Variants in COG5 observed in about 807,000 individuals in gnomAD.
COG5 encodes the protein conserved oligomeric Golgi complex subunit 5.
In COG5, 86 loss-of-function variants were observed where a neutral mutation model predicts 110.4. The observed-to-expected ratio is 0.78, with a 90% CI of 0.65 to 0.93. The LOEUF (loss-of-function observed/expected upper bound fraction) is 0.93. COG5 is among the 40% of genes least tolerant of loss of function. The pLI, the probability that COG5 is intolerant of heterozygous loss-of-function variation, is 0.00. For missense variants in COG5, 1,077 were observed against 987.0 expected (o/e 1.09, Z -1.22); for synonymous variants, 360 against 334.6 (o/e 1.08, Z -0.83).
Position 107,240,320 on chromosome 7 carries a change from A to T in COG5, c.1854-3633T>A, listed in dbSNP as rs183961008. ...AACCTCTGCCTCCAGGGTTCAAGCG[A>T]TTCTCCTGACTCAGCCTCCCCAGTA... On this transcript the variant is annotated intron_variant, in intron 17 of 21. Transcript: ENST00000297135. Among the ~76,000 whole-genome samples, 6 of 152,158 alleles carry T rather than the reference A, an allele frequency of 3.9e-5. 1 individual carries two copies. Among genetic ancestry groups the T allele is most frequent in the Admixed American group, 3.9e-4 (6 of 15,292 alleles).
At chr7:107,528,952 A>C (rs1254035534) in intron 5 of COG5, among the ~76,000 whole-genome samples, 1 of 151,542 alleles carries the variant, frequency 6.6e-6, no homozygotes, top group Non-Finnish European at 1.5e-5. Context: ...AACACATGTA[A>C]GTCAAAGCCA....
chr7:107,298,074 A>G, intron 12 of COG5, 68 bp downstream of exon 12: 1 of 700,924 alleles, frequency 1.4e-6, no homozygotes, highest in Non-Finnish European at 2.1e-6. Context: ...AAATAAAAAT[A>G]AAAGATAAAA....
chr7:107,479,670 C>T (rs977048542), intron 6 of COG5, among the ~76,000 whole-genome samples: 1 of 152,066 alleles, frequency 6.6e-6, no homozygotes, highest in Non-Finnish European at 1.5e-5. Context: ...TTATGCTTTG[C>T]ATAAATTACA....
intron 12 of COG5, among the ~76,000 whole-genome samples, chr7:107,285,094 C>A (rs1441980505): frequency 6.6e-6 from 1 of 152,154 alleles, no homozygotes; most frequent in Non-Finnish European, 1.5e-5. Flanking sequence ...CACATATTTA[C>A]TGAGAATACT....
intron 6 of COG5, among the ~76,000 whole-genome samples, chr7:107,466,392 A>G: frequency 6.6e-6 from 1 of 152,200 alleles, no homozygotes; most frequent in Non-Finnish European, 1.5e-5. Context: ...CTGGCAAATG[A>G]CTTACAAACA....
chr7:107,335,901 AT>A (rs1810662383), intron 10 of COG5, among the ~76,000 whole-genome samples: 1 of 152,200 alleles, frequency 6.6e-6, no homozygotes, highest in Admixed American at 6.5e-5. Context: ...AAAGGGGTCA[AT>A]TTGGCAAAAA....
At chr7:107,295,108 T>A (rs1806632727) in intron 12 of COG5, among the ~76,000 whole-genome samples, 6 of 113,446 alleles carry the variant, frequency 5.3e-5, no homozygotes, top group Non-Finnish European at 7.4e-5. Context: ...TATATTTTTT[T>A]TTTTTTTTTG....
intron 6 of COG5, among the ~76,000 whole-genome samples, chr7:107,426,779 T>G (rs991575832): frequency 6.6e-6 from 1 of 152,190 alleles, no homozygotes; most frequent in Non-Finnish European, 1.5e-5. Context: ...GCTGTGTGTT[T>G]CAACTGTCTG....
chr7:107,435,628 G>C (rs1182104593), intron 6 of COG5, among the ~76,000 whole-genome samples: 1 of 152,000 alleles, frequency 6.6e-6, no homozygotes, highest in East Asian at 1.9e-4. Context: ...ACTCCAGCCT[G>C]GGCGACAGAC....
In COG5 at chr7:107,201,472, A is replaced by G; in HGVS notation, c.*2044T>C. 1 of 1,341,952 alleles carries G rather than the reference A, an allele frequency of 7.5e-7. No homozygotes were observed. Among genetic ancestry groups the G allele is most frequent in the Non-Finnish European group, 1.1e-6 (1 of 935,958 alleles). 83.1% of individuals were successfully genotyped at this position (1,341,952 alleles called of 1,614,324 possible). On this transcript the variant is annotated 3_prime_UTR_variant, in exon 22 of 22. Transcript: ENST00000297135. ...TTCTTAAGTCTATATTTGCATATAC[A>G]TTGACTCTTGATGGAAAGACTTAAG...
intron 7 of COG5, among the ~76,000 whole-genome samples, chr7:107,409,245 A>G (rs1191207652): frequency 1.3e-5 from 2 of 151,196 alleles, no homozygotes; most frequent in African/African-American, 2.4e-5. Flanking sequence ...AAAAAAAAAA[A>G]AAGAAAACAG....
At chr7:107,406,185 T>TC (rs1791823788) in intron 7 of COG5, among the ~76,000 whole-genome samples, 1 of 152,080 alleles carries the variant, frequency 6.6e-6, no homozygotes, top group African/African-American at 2.4e-5. Context: ...GAGAAAATAC[T>TC]CCCCCTCCAC....
intron 5 of COG5, among the ~76,000 whole-genome samples, chr7:107,536,875 A>G (rs978842761): frequency 2.0e-5 from 3 of 152,240 alleles, no homozygotes; most frequent in African/African-American, 7.2e-5. Context: ...CTGCAAGGCT[A>G]CAGTAACCAA....
At chr7:107,343,755 T>G (rs147759083) in intron 10 of COG5, among the ~76,000 whole-genome samples, 2 of 152,122 alleles carry the variant, frequency 1.3e-5, no homozygotes, top group African/African-American at 4.8e-5. Flanking sequence ...TCATGGGCTG[T>G]AGAATGGATG....
chr7:107,383,114 C>T (rs535482118), intron 7 of COG5, among the ~76,000 whole-genome samples: 2 of 152,132 alleles, frequency 1.3e-5, no homozygotes, highest in Non-Finnish European at 2.9e-5. Context: ...CACCACGCAC[C>T]CAAATCCTGG....
intron 5 of COG5, among the ~76,000 whole-genome samples, chr7:107,529,492 C>T (rs568876755): frequency 7.9e-5 from 12 of 152,192 alleles, no homozygotes; most frequent in African/African-American, 2.9e-4. Context: ...TATGACCTTC[C>T]GGGGGCACTC....
At chr7:107,370,448 G>T (rs919386150) in intron 8 of COG5, among the ~76,000 whole-genome samples, 1 of 151,972 alleles carries the variant, frequency 6.6e-6, no homozygotes, top group Non-Finnish European at 1.5e-5. Context: ...ATATAAACAA[G>T]ATCAGGAAAC....
chr7:107,251,256 T>C (rs1016289053), intron 16 of COG5, among the ~76,000 whole-genome samples: 10 of 151,858 alleles, frequency 6.6e-5, no homozygotes, highest in Non-Finnish European at 1.3e-4. Flanking sequence ...GAGAAAAACA[T>C]CTTTCAAACC....
intron 10 of COG5, among the ~76,000 whole-genome samples, chr7:107,348,841 C>T (rs1193438507): frequency 6.6e-6 from 1 of 151,756 alleles, no homozygotes. Context: ...AACCATAGTA[C>T]AGTTATCAAT....
Sources: gnomAD v4.1 joint callset for allele counts (sites outside exome capture counted in the v4.1 genomes callset) on GRCh38, gnomAD v4.1.1 for gene constraint, MANE v1.5 for transcripts, NCBI Gene and HGNC (gene_info 2026-07-23, HGNC 2026-07-21) for gene names.